The following NOL4 variants were observed in gnomAD, a reference collection of about 807,000 sequenced individuals.
The protein encoded by NOL4 is nucleolar protein 4.
A neutral mutation model predicts 75.9 loss-of-function variants in NOL4; 17 were observed. The observed-to-expected ratio is 0.22, with a 90% CI of 0.15 to 0.34. The LOEUF (loss-of-function observed/expected upper bound fraction) is 0.34. Ranked by LOEUF, NOL4 falls within the 10% of genes least tolerant of loss-of-function variation. The pLI is 1.00. For missense variants in NOL4, 614 were observed against 793.5 expected (o/e 0.77, Z 2.72); for synonymous variants, 292 against 289.9 (o/e 1.01, Z -0.07).
intron 2 of NOL4, among the ~76,000 whole-genome samples, chr18:34,121,922 A>G (rs1487277121): frequency 6.6e-6 from 1 of 152,148 alleles, no homozygotes; most frequent in Non-Finnish European, 1.5e-5. Flanking sequence ...GGACAATGCC[A>G]CCTGTCTGCC....
At chr18:33,942,929 T>C in intron 9 of NOL4, 136 bp downstream of exon 9, 1 of 587,688 alleles carries the variant, frequency 1.7e-6, no homozygotes, top group Non-Finnish European at 3.0e-6. Context: ...TTTAAATTCA[T>C]ATCATAAGGA....
At chr18:33,862,179 CT>C (rs2063175300) in intron 10 of NOL4, among the ~76,000 whole-genome samples, 1 of 152,086 alleles carries the variant, frequency 6.6e-6, no homozygotes, top group East Asian at 1.9e-4. Context: ...AAAGGATTCC[CT>C]ATTTAATAAA....
chr18:34,025,268 A>G (rs2075285493), intron 5 of NOL4, among the ~76,000 whole-genome samples: 2 of 152,318 alleles, frequency 1.3e-5, no homozygotes, highest in African/African-American at 4.8e-5. Flanking sequence ...TAAATGTGTA[A>G]CTAAGGAGCT....
At position 33,903,396 on chromosome 18, in the gene NOL4, G is replaced by A. The variant is rs147772812; in HGVS notation, c.1543-19972C>T. Among the ~76,000 whole-genome samples, 242 of 152,258 alleles carry A rather than the reference G, an allele frequency of 1.6e-3. 3 individuals are homozygous for A. The highest frequency in any genetic ancestry group is 5.7e-3 in the African/African-American group (236 of 41,564). ...GATTACAATTCAAGATGAAATTTGAGTGGGGACAGAGAACCAAACCATATC... is the reference window on the plus strand; with the variant it reads ...GATTACAATTCAAGATGAAATTTGAATGGGGACAGAGAACCAAACCATATC... On this transcript the variant is annotated intron_variant, in intron 9 of 10. Coordinates refer to ENST00000261592, the MANE Select transcript of NOL4 (RefSeq NM_003787.5).
intron 8 of NOL4, among the ~76,000 whole-genome samples, chr18:33,946,257 T>A (rs571522122): frequency 6.6e-6 from 1 of 151,626 alleles, no homozygotes; most frequent in African/African-American, 2.4e-5. Context: ...CAAATAGAAA[T>A]CCAGTACCAT....
intron 5 of NOL4, among the ~76,000 whole-genome samples, chr18:34,071,377 C>A (rs2077507542): frequency 6.6e-6 from 1 of 151,578 alleles, no homozygotes; most frequent in African/African-American, 2.4e-5. Flanking sequence ...TTAAAATACT[C>A]CCGTTAAAAG....
At chr18:33,886,015 G>T (rs1208743095) in intron 9 of NOL4, among the ~76,000 whole-genome samples, 1 of 152,110 alleles carries the variant, frequency 6.6e-6, no homozygotes, top group Non-Finnish European at 1.5e-5. Flanking sequence ...TCAGTCATTT[G>T]CAACAACATG....
At chr18:34,069,793 G>A (rs1346587049) in intron 5 of NOL4, among the ~76,000 whole-genome samples, 1 of 152,246 alleles carries the variant, frequency 6.6e-6, no homozygotes, top group Middle Eastern at 3.4e-3. Context: ...ACTATCTCTA[G>A]CAACCATTTC....
At chr18:34,028,574 A>G (rs1389714059) in intron 5 of NOL4, among the ~76,000 whole-genome samples, 1 of 152,222 alleles carries the variant, frequency 6.6e-6, no homozygotes, top group African/African-American at 2.4e-5. Context: ...CCCACAGCCA[A>G]TGCAGCCAGA....
chr18:33,889,069 A>G (rs1002772807), intron 9 of NOL4, among the ~76,000 whole-genome samples: 2 of 152,108 alleles, frequency 1.3e-5, no homozygotes, highest in African/African-American at 2.4e-5. Context: ...AAAAAAATCA[A>G]TCAAACCAGC....
chr18:33,904,534 C>T (rs1368748481), intron 9 of NOL4, among the ~76,000 whole-genome samples: 2 of 152,038 alleles, frequency 1.3e-5, no homozygotes, highest in Admixed American at 1.3e-4. Flanking sequence ...ATTAGACTAA[C>T]AGAACAAACT....
chr18:33,948,966 T>A (rs2069023381), intron 8 of NOL4, among the ~76,000 whole-genome samples: 1 of 152,046 alleles, frequency 6.6e-6, no homozygotes, highest in Admixed American at 6.6e-5. Context: ...AAAAGATTTT[T>A]CAGAAACTTG....
At chr18:34,006,294 G>A (rs2146280013) in intron 6 of NOL4, among the ~76,000 whole-genome samples, 1 of 152,168 alleles carries the variant, frequency 6.6e-6, no homozygotes, top group Admixed American at 6.5e-5. Flanking sequence ...TTAGGCTAAG[G>A]GGTGCCCAGA....
At chr18:33,969,074 C>A (rs1245109010) in intron 6 of NOL4, among the ~76,000 whole-genome samples, 1 of 152,132 alleles carries the variant, frequency 6.6e-6, no homozygotes, top group Non-Finnish European at 1.5e-5. Context: ...CCTTTCATGT[C>A]TGAACCATGA....
rs185758322 is a variant in NOL4, at chr18:34,049,145, C to T, written c.773-29544G>A. Among the ~76,000 whole-genome samples, 4 of 147,520 alleles carry T rather than the reference C, an allele frequency of 2.7e-5. No homozygotes were observed. The Admixed American group carries it at 2.7e-4, about 10-fold the overall frequency. Reference sequence around the variant, plus strand: ...ATCCATTTTCTCTCTCCAGCATCAACGTCTGGAGCCTTGAGGTTTCAGGGT... The same window carrying T: ...ATCCATTTTCTCTCTCCAGCATCAATGTCTGGAGCCTTGAGGTTTCAGGGT... On this transcript the variant is annotated intron_variant, in intron 5 of 10. Coordinates refer to ENST00000261592, the MANE Select transcript of NOL4 (RefSeq NM_003787.5).
chr18:33,982,975 C>G, intron 6 of NOL4, among the ~76,000 whole-genome samples: 1 of 151,888 alleles, frequency 6.6e-6, no homozygotes, highest in Non-Finnish European at 1.5e-5. Context: ...GTCTCGAACT[C>G]CTGACCTCAG....
intron 9 of NOL4, among the ~76,000 whole-genome samples, chr18:33,920,368 G>GTAGTTA (rs2145259209): frequency 6.6e-6 from 1 of 152,288 alleles, no homozygotes; most frequent in South Asian, 2.1e-4. Context: ...AGAGTTGGTG[G>GTAGTTA]TAGTTATATA....
At chr18:33,996,912 A>G (rs2073329742) in intron 6 of NOL4, among the ~76,000 whole-genome samples, 2 of 151,746 alleles carry the variant, frequency 1.3e-5, no homozygotes, top group South Asian at 2.1e-4. Flanking sequence ...TTATTTTCCT[A>G]TGGGTGTATA....
intron 8 of NOL4, 99 bp downstream of exon 8, chr18:33,957,227 A>G: frequency 9.7e-7 from 1 of 1,033,196 alleles, no homozygotes; most frequent in Non-Finnish European, 1.4e-6. Flanking sequence ...CATTATGGAA[A>G]AAAATAAAAA....
Sources: gnomAD v4.1 joint callset for allele counts (sites outside exome capture counted in the v4.1 genomes callset) on GRCh38, gnomAD v4.1.1 for gene constraint, MANE v1.5 for transcripts, NCBI Gene and HGNC (gene_info 2026-07-23, HGNC 2026-07-21) for gene names.